TGS1: variants seen among roughly 807,000 people sequenced by gnomAD.
TGS1 encodes trimethylguanosine synthase 1, also known as trimethylguanosine synthase.
TGS1 carries 69 observed loss-of-function variants against 92.2 expected under a neutral mutation model. The observed-to-expected ratio is 0.75, with a 90% CI of 0.62 to 0.91. The LOEUF (loss-of-function observed/expected upper bound fraction) is 0.91, where lower values mean the gene tolerates loss of function less well. Among genes scored for constraint, TGS1 ranks in the 40% least tolerant of loss-of-function variants. The pLI is 0.00. For synonymous variants in TGS1, 345 were observed against 338.1 expected, an observed-to-expected ratio of 1.02 and a Z score of -0.22; for missense variants, 1,062 against 1,001.2, an observed-to-expected ratio of 1.06 and a Z score of -0.82.
At chr8:55,811,345 C>A (rs926391481) in intron 11 of TGS1, among the ~76,000 whole-genome samples, 2 of 151,824 alleles carry the variant, frequency 1.3e-5, no homozygotes, top group Non-Finnish European at 2.9e-5. Flanking sequence ...TGCCTGTAAT[C>A]CAGCTACTCG....
chr8:55,809,303 G>C (rs934834384), intron 10 of TGS1, among the ~76,000 whole-genome samples: 5 of 152,274 alleles, frequency 3.3e-5, no homozygotes, highest in Admixed American at 2.0e-4. Flanking sequence ...TGTTCCAGTA[G>C]TTTAGCAACA....
At chr8:55,796,287 G>A in intron 7 of TGS1, 135 bp downstream of exon 7, 2 of 620,330 alleles carry the variant, frequency 3.2e-6, no homozygotes, top group Non-Finnish European at 5.5e-6. Context: ...TTTTTTACTT[G>A]CTTCTTGAAG....
At chr8:55,785,463 G>A (rs999558833) in intron 2 of TGS1, among the ~76,000 whole-genome samples, 2 of 152,034 alleles carry the variant, frequency 1.3e-5, no homozygotes, top group African/African-American at 4.8e-5. Flanking sequence ...TGCTTGTGAG[G>A]CTGAGGCAAG....
At chr8:55,818,181 T>C (rs181649669) in intron 12 of TGS1, among the ~76,000 whole-genome samples, 35 of 152,310 alleles carry the variant, frequency 2.3e-4, no homozygotes, top group Admixed American at 1.8e-3. Context: ...ATTTGACTCT[T>C]TCAGTAACTG....
rs371636815 is a variant in TGS1 at position 55,813,146 on chromosome 8, A to G, written c.2439+28A>G. ...AAGCCATTACTGAAAAACTTCCATG[A>G]GTGTCTGTCTTAACTGTTACAAGTA... On this transcript the variant is annotated intron_variant, in intron 12 of 12. Coordinates refer to ENST00000260129, the MANE Select transcript of TGS1 (RefSeq NM_024831.8). 134 of 1,487,960 alleles carry G rather than the reference A, an allele frequency of 9.0e-5. 1 individual carries two copies. In the South Asian group the frequency reaches 1.1e-3, roughly 13 times the overall value. The allele number at this position is 1,487,960 out of a possible 1,614,324, so 92.2% of individuals were successfully genotyped here.
chr8:55,817,368 A>G lies in TGS1; in HGVS notation c.2439+4250A>G, dbSNP rs546832332. On this transcript the variant is annotated intron_variant, in intron 12 of 12. Coordinates refer to ENST00000260129, the MANE Select transcript of TGS1 (RefSeq NM_024831.8). ...AATATTTCTAAAACTTACCATATATAAGAATAGAGTTGTAAGTATTTGAAT... is the reference window on the plus strand; with the variant it reads ...AATATTTCTAAAACTTACCATATATGAGAATAGAGTTGTAAGTATTTGAAT... Among the ~76,000 whole-genome samples, 74 of 152,366 alleles carry G rather than the reference A, an allele frequency of 4.9e-4. 1 individual carries two copies. In the South Asian group the frequency reaches 0.015, roughly 30 times the overall value.
intron 6 of TGS1, among the ~76,000 whole-genome samples, chr8:55,795,173 T>C (rs1714093558): frequency 6.6e-6 from 1 of 152,234 alleles, no homozygotes; most frequent in African/African-American, 2.4e-5. Flanking sequence ...AATCCTTGGG[T>C]AGATTTTGAT....
In TGS1 at chr8:55,813,068, A is replaced by T. The variant is rs762541124; in HGVS notation, c.2389A>T (p.Ile797Phe). 6.2e-7 allele frequency: 1 copy of T among 1,610,936 alleles called. No homozygotes were observed. The highest frequency in any genetic ancestry group is 1.1e-5 in the South Asian group (1 of 90,758). Reference protein sequence around the residue: ...GFEIFRLSKKITNNIVYFLPR... With the variant: ...GFEIFRLSKKFTNNIVYFLPR... ...TGAAATTTTCAGACTTTCTAAGAAGATCACTAATAATATTGTTTATTTTCT... is the reference window on the plus strand; with the variant it reads ...TGAAATTTTCAGACTTTCTAAGAAGTTCACTAATAATATTGTTTATTTTCT... Residue 797 changes from isoleucine (I) to phenylalanine (F), a missense_variant, in exon 12 of 13, where the codon ATC (isoleucine) becomes TTC (phenylalanine). Physicochemically the swap from Ile to Phe is conservative, Grantham distance 21 (BLOSUM62 0). Coordinates refer to ENST00000260129, the MANE Select transcript of TGS1 (RefSeq NM_024831.8).
chr8:55,817,595 A>G (rs562114381), intron 12 of TGS1, among the ~76,000 whole-genome samples: 76 of 152,326 alleles, frequency 5.0e-4, no homozygotes, highest in Admixed American at 1.3e-3. Context: ...ATTGGGTCCT[A>G]ACTGGTTTCT....
chr8:55,773,695 G>C lies in TGS1; in HGVS notation c.77G>C (p.Cys26Ser), dbSNP rs765167565. The C allele has an allele frequency of 6.2e-7, 1 of 1,610,962 alleles. No homozygotes were observed. Among genetic ancestry groups the C allele is most frequent in the East Asian group, 2.2e-5 (1 of 44,584 alleles). ...GAGCGGGAGGATTGTAAGATACTGT[G>C]CCTTTGCTCCAGGGCATTTGTGGAG... ...IEEREDCKILCLCSRAFVEDR... is the reference protein window; with the variant it reads ...IEEREDCKILSLCSRAFVEDR... The change falls in exon 1 of 13, where the codon TGC becomes TCC. Residue 26 changes from cysteine to serine, a missense_variant. Transcript: ENST00000260129.
rs547352847 is a variant in TGS1, at chr8:55,802,211, G to A, written c.1850-246G>A. On this transcript the variant is annotated intron_variant, in intron 8 of 12. Coordinates refer to ENST00000260129, the MANE Select transcript of TGS1 (RefSeq NM_024831.8). ...TTCGTCTCTAAATAAATAAATAAAT[G>A]AATGAATGAATGGAGCTTAAAGACC... Among the ~76,000 whole-genome samples the A allele has an allele frequency of 2.5e-4, 38 of 152,098 alleles. No homozygotes were observed. The South Asian group carries it at 6.7e-3, about 27-fold the overall frequency.
chr8:55,788,846 T>C (rs370981185), intron 4 of TGS1, among the ~76,000 whole-genome samples: 5 of 152,166 alleles, frequency 3.3e-5, no homozygotes, highest in African/African-American at 1.2e-4. Context: ...GACCATAAAG[T>C]TTATAATATA....
chr8:55,816,037 T>C (rs1296632683), intron 12 of TGS1, among the ~76,000 whole-genome samples: 2 of 152,016 alleles, frequency 1.3e-5, no homozygotes, highest in Admixed American at 6.6e-5. Context: ...CACTGCAACC[T>C]CAAATTCCTG....
chr8:55,777,210 T>C (rs1403080373), intron 1 of TGS1, among the ~76,000 whole-genome samples: 1 of 151,918 alleles, frequency 6.6e-6, no homozygotes, highest in Non-Finnish European at 1.5e-5. Flanking sequence ...GATCTCACCT[T>C]GTTGCCCACA....
chr8:55,814,215 TG>T (rs1803410713), intron 12 of TGS1, among the ~76,000 whole-genome samples: 1 of 152,140 alleles, frequency 6.6e-6, no homozygotes, highest in Non-Finnish European at 1.5e-5. Flanking sequence ...CCCTAAGTGC[TG>T]GGATTATAGG....
intron 8 of TGS1, among the ~76,000 whole-genome samples, chr8:55,801,475 A>G (rs1291096508): frequency 6.7e-6 from 1 of 148,936 alleles, no homozygotes; most frequent in Non-Finnish European, 1.5e-5. Flanking sequence ...GGGTTTCACC[A>G]TGTTGGTCAG....
intron 10 of TGS1, among the ~76,000 whole-genome samples, chr8:55,808,502 T>A (rs1031980691): frequency 6.9e-5 from 8 of 116,314 alleles, no homozygotes; most frequent in Non-Finnish European, 3.3e-5. Context: ...TCTTTCTTTT[T>A]CTTTTTTTCT....
chr8:55,811,187 G>A lies in TGS1; in HGVS notation c.2360+90G>A. ...TGAGAGAGGGAGTGTGGGTGGGTGG[G>A]CAGGGTGGCTCACATTTGTAATCCT... On this transcript the variant is annotated intron_variant, in intron 11 of 12. Transcript: ENST00000260129. 3 of 325,846 alleles carry A rather than the reference G, an allele frequency of 9.2e-6. 1 individual carries two copies. The highest frequency in any genetic ancestry group is 1.9e-5 in the Non-Finnish European group (3 of 161,972). 20.2% of individuals were successfully genotyped at this position (325,846 alleles called of 1,614,324 possible). A position where few individuals can be genotyped will look rare whatever the true frequency, so the allele number is the denominator to read the frequency against.
chr8:55,801,155 A>G (rs189367413), intron 8 of TGS1, among the ~76,000 whole-genome samples: 4 of 152,380 alleles, frequency 2.6e-5, no homozygotes, highest in African/African-American at 9.6e-5. Flanking sequence ...AATTCACCAC[A>G]TAAAGCAGTG....
Sources: gnomAD v4.1 joint callset for allele counts (sites outside exome capture counted in the v4.1 genomes callset) on GRCh38, gnomAD v4.1.1 for gene constraint, MANE v1.5 for transcripts, NCBI Gene and HGNC (gene_info 2026-07-23, HGNC 2026-07-21) for gene names.